The following TRRAP variants were observed in gnomAD, a reference collection of about 807,000 sequenced individuals.
TRRAP encodes transformation/transcription domain associated protein, also known as transformation/transcription domain-associated protein.
A neutral mutation model predicts 438.8 loss-of-function variants in TRRAP; 41 were observed. The ratio of observed to expected loss-of-function variants is 0.09; its 90% CI spans 0.07 to 0.12. The LOEUF is 0.12. TRRAP is among the 10% of genes least tolerant of loss of function. The probability of loss-of-function intolerance (pLI) is 1.00; values close to 1 mark genes in which losing one functional copy is unlikely to be tolerated. For missense variants in TRRAP, 3,122 were observed against 5,055.1 expected (o/e 0.62, Z 11.60); for synonymous variants, 1,994 against 1,962.9 (o/e 1.02, Z -0.42).
intron 44 of TRRAP, 151 bp from the exon 45 acceptor site, chr7:98,959,193 C>A: frequency 9.5e-7 from 1 of 1,054,090 alleles, no homozygotes; most frequent in Non-Finnish European, 1.4e-6. Flanking sequence ...AGGTGTCCAG[C>A]TGTGTGGAGG....
intron 56 of TRRAP, 96 bp downstream of exon 56, chr7:98,977,172 C>CT: frequency 1.3e-6 from 2 of 1,545,738 alleles, no homozygotes; most frequent in Non-Finnish European, 1.8e-6. Flanking sequence ...TTCACGTTCT[C>CT]TTTTTTTGAG....
chr7:99,010,330 C>G (rs190218160), intron 70 of TRRAP, among the ~76,000 whole-genome samples: 65 of 152,336 alleles, frequency 4.3e-4, no homozygotes, highest in African/African-American at 1.2e-3. Context: ...GATTTTGGAA[C>G]TCCTTTGCAG....
In TRRAP at chr7:98,994,398, C is replaced by A. The variant is rs144049796; in HGVS notation, c.10048-189C>A. Among the ~76,000 whole-genome samples the A allele has an allele frequency of 1.2e-4, 18 of 152,334 alleles. No individual in the cohort carries two copies. In the East Asian group the frequency reaches 3.3e-3, roughly 28 times the overall value. ...TACTCCCCAAGGTCAAAAGCGCCTG[C>A]TCCCATGTGGCATGCACAGGCGTCC... On this transcript the variant is annotated intron_variant, in intron 66 of 72. Transcript: ENST00000456197. The surrounding 1 kb of genome is among the most constrained non-coding windows in gnomAD (Gnocchi z 4.8).
rs560059748 is a variant in TRRAP at position 98,973,366 on chromosome 7, TCAC to T, written c.7839+1425_7839+1427del. On this transcript the variant is annotated intron_variant, in intron 53 of 72. Transcript: ENST00000456197. ...TTTGGCTGATGGTCACCATGACACA[TCAC>T]CACGTCATCAGGTGCCTGGGCCTCA... is the stretch of plus-strand genomic sequence containing the variant. 1.8e-4 allele frequency among the ~76,000 whole-genome samples: 27 copies of T among 152,294 alleles called. No individual in the cohort carries two copies. In the East Asian group the frequency reaches 5.0e-3, roughly 28 times the overall value.
At chr7:98,878,819 C>G (rs1323221701) in intron 1 of TRRAP, among the ~76,000 whole-genome samples, 182 bp downstream of exon 1, 2 of 152,060 alleles carry the variant, frequency 1.3e-5, no homozygotes, top group Non-Finnish European at 2.9e-5. Flanking sequence ...CGTTTGCGGC[C>G]GAGCTGAGAG....
At chr7:98,992,982 G>GA (rs914078610) in intron 65 of TRRAP, among the ~76,000 whole-genome samples, 1 of 151,908 alleles carries the variant, frequency 6.6e-6, no homozygotes, top group Non-Finnish European at 1.5e-5. Context: ...GGTAAATTCA[G>GA]AAAAAAATGG....
chr7:98,948,700 C>T lies in TRRAP; in HGVS notation c.4788+15C>T. On this transcript the variant is annotated intron_variant, in intron 35 of 72. Coordinates refer to ENST00000456197, the MANE Select transcript of TRRAP (RefSeq NM_001375524.1). The surrounding 1 kb of genome is among the most constrained non-coding windows in gnomAD (Gnocchi z 4.9). ...GAATGTTTATGGTAAGAGCTGTGAGCAGCTGGAGTCAGGGGTCCCTTCAAA... is the reference window on the plus strand; with the variant it reads ...GAATGTTTATGGTAAGAGCTGTGAGTAGCTGGAGTCAGGGGTCCCTTCAAA... The T allele has an allele frequency of 1.2e-6, 2 of 1,614,116 alleles. No homozygotes were observed. Among genetic ancestry groups the T allele is most frequent in the Non-Finnish European group, 8.5e-7 (1 of 1,180,034 alleles).
At chr7:98,894,272 A>T (rs1554405397) in intron 6 of TRRAP, among the ~76,000 whole-genome samples, 1 of 152,016 alleles carries the variant, frequency 6.6e-6, no homozygotes, top group Non-Finnish European at 1.5e-5. Flanking sequence ...CCTTTTGGAG[A>T]TTTTTCTGTA....
At chr7:98,979,576 A>G (rs542187032) in intron 58 of TRRAP, among the ~76,000 whole-genome samples, 2 of 152,354 alleles carry the variant, frequency 1.3e-5, no homozygotes, top group East Asian at 3.9e-4. Flanking sequence ...TGCTGTCAGA[A>G]TGCATTTACG....
chr7:98,966,537 T>C (rs1792167460), intron 49 of TRRAP, among the ~76,000 whole-genome samples: 3 of 151,898 alleles, frequency 2.0e-5, no homozygotes, highest in African/African-American at 2.4e-5. Context: ...ATACAAAAAT[T>C]AGTCAGGTAT....
At chr7:98,910,632 C>A (rs1789206077) in intron 16 of TRRAP, 25 bp downstream of exon 16, 2 of 1,586,384 alleles carry the variant, frequency 1.3e-6, no homozygotes, top group South Asian at 1.1e-5. Flanking sequence ...TCCAGCCAGG[C>A]TTTCGCATAT....
At chr7:98,907,296 C>T (rs749591216) in intron 13 of TRRAP, among the ~76,000 whole-genome samples, 7 of 151,540 alleles carry the variant, frequency 4.6e-5, no homozygotes, top group Non-Finnish European at 8.8e-5. Context: ...GCAATCCAGC[C>T]TGGGCAATAA....
intron 12 of TRRAP, among the ~76,000 whole-genome samples, chr7:98,905,113 A>G (rs1554407313): frequency 6.6e-6 from 1 of 151,534 alleles, no homozygotes; most frequent in African/African-American, 2.4e-5. Context: ...AGGTGTTCCC[A>G]CCTCCCCAGC....
At chr7:98,916,024 C>CGCCCCCCT in intron 19 of TRRAP, 136 bp downstream of exon 19, 1 of 1,196,758 alleles carries the variant, frequency 8.4e-7, no homozygotes, top group Non-Finnish European at 1.2e-6. Context: ...GCACATCCGC[C>CGCCCCCCT]GCCCCCCTGC....
At position 98,908,848 on chromosome 7, in the gene TRRAP, C is replaced by T; in HGVS notation, c.1236C>T (p.Pro412=). The change falls in exon 14 of 73, where the codon CCC becomes CCT. Residue 412 remains proline (P), a synonymous_variant. Transcript: ENST00000456197. This position sits in a 1 kb window ranked among gnomAD's most constrained non-coding sequence, Gnocchi z 4.1. Reference sequence around the variant, plus strand: ...AGAACATCGACGATGAGTCCCTGCCCAGCAGCATCCAGACCATGTCCTGCA... The same window carrying T: ...AGAACATCGACGATGAGTCCCTGCCTAGCAGCATCCAGACCATGTCCTGCA... ...FAKNIDDESL[P]SSIQTMSCKL... The T allele has an allele frequency of 1.9e-6, 3 of 1,613,664 alleles. No individual in the cohort carries two copies. Among genetic ancestry groups the T allele is most frequent in the Non-Finnish European group, 2.5e-6 (3 of 1,179,852 alleles).
At chr7:98,974,569 C>T (rs1008618118) in intron 53 of TRRAP, among the ~76,000 whole-genome samples, 3 of 152,186 alleles carry the variant, frequency 2.0e-5, no homozygotes, top group African/African-American at 7.2e-5. Context: ...AAGCCATGGA[C>T]TTGGGGAGCA....
Position 98,890,462 on chromosome 7 carries a change from A to G in TRRAP, c.261+17A>G, listed in dbSNP as rs1554404656. ...CCAGCACAGGTAATGTAAAAAAATAACATGAGAAGACAAGGGTGCTGTGGG... is the reference window on the plus strand; with the variant it reads ...CCAGCACAGGTAATGTAAAAAAATAGCATGAGAAGACAAGGGTGCTGTGGG... On this transcript the variant is annotated intron_variant, in intron 4 of 72. Coordinates refer to ENST00000456197, the MANE Select transcript of TRRAP (RefSeq NM_001375524.1). 2.6e-6 allele frequency: 4 copies of G among 1,533,478 alleles called. No individual in the cohort carries two copies. Among genetic ancestry groups the G allele is most frequent in the Non-Finnish European group, 3.5e-6 (4 of 1,134,666 alleles). The allele number at this position is 1,533,478 out of a possible 1,614,324, so 95.0% of individuals were successfully genotyped here.
At position 98,931,513 on chromosome 7, in the gene TRRAP, C is replaced by G. The variant is rs1554412890; in HGVS notation, c.3700C>G (p.Gln1234Glu). 2.5e-6 allele frequency: 4 copies of G among 1,614,012 alleles called. No homozygotes were observed. The highest frequency in any genetic ancestry group is 2.5e-6 in the Non-Finnish European group (3 of 1,180,006). The change falls in exon 26 of 73, where the codon CAG (glutamine) becomes GAG (glutamate). Residue 1234 changes from glutamine to glutamate, a missense_variant. Physicochemically the swap from Gln to Glu is conservative, Grantham distance 29. Around this residue, in one of 24 missense-constraint regions of TRRAP, gnomAD observed 153 missense variants for 223.0 expected, o/e 0.69. Transcript: ENST00000456197. ...GAGAGCCGAAGAGATCGTGGCCGCCCAGGAAAAGTCTTTCCACCATGTGAC... is the reference window on the plus strand; with the variant it reads ...GAGAGCCGAAGAGATCGTGGCCGCCGAGGAAAAGTCTTTCCACCATGTGAC... ...EERAEEIVAA[Q>E]EKSFHHVTHD...
chr7:98,916,708 C>T (rs1789533549), intron 19 of TRRAP, among the ~76,000 whole-genome samples: 2 of 152,198 alleles, frequency 1.3e-5, no homozygotes, highest in Non-Finnish European at 2.9e-5. Flanking sequence ...GGGCTCTCAG[C>T]TGTCCCCCAA....
Sources: gnomAD v4.1 joint callset for allele counts (sites outside exome capture counted in the v4.1 genomes callset) on GRCh38, gnomAD v4.1.1 for gene constraint, gnomAD v4.1.1 regional missense constraint, Gnocchi (gnomAD v3.1) non-coding constraint, MANE v1.5 for transcripts, NCBI Gene and HGNC (gene_info 2026-07-23, HGNC 2026-07-21) for gene names.